SETX: variants seen among roughly 807,000 people sequenced by gnomAD.
SETX encodes helicase senataxin.
A neutral mutation model predicts 227.2 loss-of-function variants in SETX; 90 were observed. The observed-to-expected ratio is 0.40, with a 90% CI of 0.33 to 0.47. The LOEUF (loss-of-function observed/expected upper bound fraction) is 0.47, where lower values mean the gene tolerates loss of function less well. Ranked by LOEUF, SETX falls within the 20% of genes least tolerant of loss-of-function variation. The pLI is 0.91. For missense variants in SETX, 3,052 were observed against 3,181.5 expected (o/e 0.96, Z 0.98); for synonymous variants, 1,210 against 1,113.2 (o/e 1.09, Z -1.73).
chr9:132,265,429 G>C (rs1421415261), intron 25 of SETX, among the ~76,000 whole-genome samples: 3 of 151,880 alleles, frequency 2.0e-5, no homozygotes, highest in Admixed American at 2.0e-4. Context: ...GTTTCATCAT[G>C]TTAGCCAAGA....
At chr9:132,268,687 T>C (rs745756072) in intron 25 of SETX, among the ~76,000 whole-genome samples, 2 of 152,246 alleles carry the variant, frequency 1.3e-5, no homozygotes, top group Admixed American at 6.5e-5. Context: ...TTAAGAGTGA[T>C]GTAATAATTT....
Position 132,328,122 on chromosome 9 carries a change from T to C in SETX, c.3476A>G (p.Lys1159Arg), listed in dbSNP as rs754522062. ...VEEFCEIEVK[K>R]PKRKRSEKPM... ...TTTTTCAGATCGTTTTCTCTTAGGC[T>C]TTTTTACTTCAATTTCACAAAATTC... The change falls in exon 10 of 26, where the codon AAG becomes AGG. Residue 1159 changes from lysine to arginine, a missense_variant. Lys to Arg is a conservative substitution (Grantham distance 26, BLOSUM62 2). This residue lies in a region of SETX where 1,483 missense variants were observed against 1,312.0 expected (regional missense o/e 1.13). Transcript: ENST00000224140. 2 of 1,614,080 alleles carry C rather than the reference T, an allele frequency of 1.2e-6. No homozygotes were observed. The highest frequency in any genetic ancestry group is 1.1e-5 in the South Asian group (1 of 91,062).
rs140392573 is a variant in SETX at position 132,280,524 on chromosome 9, C to T, written c.6654+943G>A. Among the ~76,000 whole-genome samples the T allele has an allele frequency of 3.2e-3, 490 of 152,310 alleles. 3 individuals are homozygous for T. The highest frequency in any genetic ancestry group is 0.011 in the African/African-American group (466 of 41,560). Reference sequence around the variant, plus strand: ...GTGACGGGTGTGCTTCTGGGCCACACTCTAACATGATCATGTACCTGCGCT... The same window carrying T: ...GTGACGGGTGTGCTTCTGGGCCACATTCTAACATGATCATGTACCTGCGCT... On this transcript the variant is annotated intron_variant, in intron 20 of 25. Transcript: ENST00000224140.
Position 132,328,418 on chromosome 9 carries a change from A to G in SETX, c.3180T>C (p.Asn1060=), listed in dbSNP as rs749368120. 3 of 1,613,760 alleles carry G rather than the reference A, an allele frequency of 1.9e-6. No individual in the cohort carries two copies. Among genetic ancestry groups the G allele is most frequent in the Non-Finnish European group, 2.5e-6 (3 of 1,179,996 alleles). The change falls in exon 10 of 26, where the codon AAT becomes AAC. Residue 1060 remains asparagine, a synonymous_variant. Coordinates refer to ENST00000224140, the MANE Select transcript of SETX (RefSeq NM_015046.7). The stretch of plus-strand genomic sequence containing the variant: ...TCTCTGTCTTTTCTTCCTTTACTGG[A>G]TTCTTTTCCTCCTTACTATTAACTG... ...VSTVNSKEEK[N]PVKEEKTETL... is the part of the protein sequence containing the mutation.
chr9:132,298,526 A>C (rs941139987), intron 12 of SETX, among the ~76,000 whole-genome samples: 2 of 152,144 alleles, frequency 1.3e-5, no homozygotes, highest in South Asian at 2.1e-4. Context: ...AACCAAATAA[A>C]TATGTCAGGT....
chr9:132,335,615 C>T (rs1847568143), intron 6 of SETX, among the ~76,000 whole-genome samples: 1 of 151,780 alleles, frequency 6.6e-6, no homozygotes. Flanking sequence ...GATGCTGGGA[C>T]TACAGGCGTG....
At chr9:132,298,030 G>T in intron 13 of SETX, 50 bp downstream of exon 13, 2 of 1,467,420 alleles carry the variant, frequency 1.4e-6, no homozygotes, top group Non-Finnish European at 1.9e-6. Context: ...AAAATATGAT[G>T]CTTTAACATC....
At chr9:132,323,758 C>A (rs762965692) in intron 10 of SETX, among the ~76,000 whole-genome samples, 3 of 151,986 alleles carry the variant, frequency 2.0e-5, no homozygotes, top group Admixed American at 1.3e-4. Context: ...CAAAAATTAG[C>A]TGGACATTAT....
chr9:132,333,810 T>C (rs1246354851), intron 7 of SETX, among the ~76,000 whole-genome samples: 2 of 152,208 alleles, frequency 1.3e-5, no homozygotes, highest in South Asian at 2.1e-4. Flanking sequence ...TGTCTCTGCA[T>C]TGTTCAATAC....
rs1085307585 is a variant in SETX, at chr9:132,264,278, C to A, written c.7995G>T (p.Glu2665Asp). The change falls in exon 26 of 26, where the codon GAG becomes GAT. Residue 2665 changes from glutamate to aspartate, a missense_variant. Coordinates refer to ENST00000224140, the MANE Select transcript of SETX (RefSeq NM_015046.7). The stretch of plus-strand genomic sequence containing the variant: ...TTTTCTTGGAACTGCTGTCCTCCTG[C>A]TCCAGTGTCCTCTTGTCCCACCTAG... ...RNSRWDKRTL[E>D]QEDSSSKKRK... 1.2e-6 allele frequency: 2 copies of A among 1,614,096 alleles called. No individual in the cohort carries two copies. The highest frequency in any genetic ancestry group is 2.7e-5 in the African/African-American group (2 of 74,934).
At chr9:132,322,783 C>A (rs559932447) in intron 10 of SETX, among the ~76,000 whole-genome samples, 1 of 151,970 alleles carries the variant, frequency 6.6e-6, no homozygotes, top group East Asian at 1.9e-4. Context: ...ACAGGAAAAA[C>A]CAACTGGGGA....
intron 11 of SETX, 99 bp from the exon 12 acceptor site, chr9:132,300,902 A>C (rs1844956399): frequency 4.6e-6 from 5 of 1,088,256 alleles, no homozygotes; most frequent in Non-Finnish European, 5.3e-6. Flanking sequence ...TAAGTTCAAA[A>C]ATACACAGCA....
At chr9:132,348,708 T>C (rs530869784) in intron 3 of SETX, among the ~76,000 whole-genome samples, 86 of 150,772 alleles carry the variant, frequency 5.7e-4, no homozygotes, top group Non-Finnish European at 1.1e-3. Context: ...GAAGGATCAC[T>C]TGAGCTCAGG....
chr9:132,293,049 A>G (rs1844437222), intron 15 of SETX, among the ~76,000 whole-genome samples: 1 of 152,234 alleles, frequency 6.6e-6, no homozygotes, highest in Non-Finnish European at 1.5e-5. Context: ...AGTCCTAAAT[A>G]AAACATTAGC....
intron 25 of SETX, among the ~76,000 whole-genome samples, chr9:132,266,655 C>A (rs988259696): frequency 6.6e-6 from 1 of 151,926 alleles, no homozygotes; most frequent in Non-Finnish European, 1.5e-5. Context: ...AGCTATAATC[C>A]CAGGTACTTG....
At chr9:132,354,725 C>G (rs1184304873) in intron 1 of SETX, among the ~76,000 whole-genome samples, 192 bp downstream of exon 1, 2 of 152,050 alleles carry the variant, frequency 1.3e-5, no homozygotes, top group Non-Finnish European at 2.9e-5. Context: ...AGGCAACAGG[C>G]GGCCGCCAGC....
chr9:132,298,038 A>T, intron 13 of SETX, 42 bp downstream of exon 13: 1 of 1,513,706 alleles, frequency 6.6e-7, no homozygotes, highest in Non-Finnish European at 9.2e-7. Flanking sequence ...ATGCTTTAAC[A>T]TCTTAACATG....
chr9:132,300,839 C>CT lies in SETX; in HGVS notation c.5375-37dup. The CT allele has an allele frequency of 2.6e-6, 4 of 1,549,510 alleles. No homozygotes were observed. In the South Asian group the frequency reaches 4.7e-5, roughly 18 times the overall value. ...AGAAGAAGTCGGAATTCATATAACT[C>CT]TAATAGAATTATTTTAAATAAGATT... On this transcript the variant is annotated intron_variant, in intron 11 of 25. Transcript: ENST00000224140.
intron 25 of SETX, among the ~76,000 whole-genome samples, chr9:132,268,555 G>C (rs1460823361): frequency 1.7e-5 from 2 of 120,070 alleles, no homozygotes; most frequent in Non-Finnish European, 1.8e-5. Context: ...TTAACTTAAA[G>C]GCTTTTAATT....
Sources: gnomAD v4.1 joint callset for allele counts (sites outside exome capture counted in the v4.1 genomes callset) on GRCh38, gnomAD v4.1.1 for gene constraint, gnomAD v4.1.1 regional missense constraint, MANE v1.5 for transcripts, NCBI Gene and HGNC (gene_info 2026-07-23, HGNC 2026-07-21) for gene names.